Variants in FANCI observed in about 807,000 individuals in gnomAD.
FANCI encodes FA complementation group I, also known as Fanconi anemia group I protein.
Under a neutral mutation model 176.1 loss-of-function variants are expected in FANCI, and 156 were observed. The ratio of observed to expected loss-of-function variants is 0.89; its 90% CI spans 0.78 to 1.01. The LOEUF is 1.01. FANCI is among the 50% of genes least tolerant of loss of function. FANCI has a pLI of 0.00. For synonymous variants in FANCI, 613 were observed against 541.7 expected, an observed-to-expected ratio of 1.13 and a Z score of -1.83; for missense variants, 1,678 against 1,534.1, an observed-to-expected ratio of 1.09 and a Z score of -1.57.
intron 24 of FANCI, among the ~76,000 whole-genome samples, chr15:89,297,764 TGGGGAG>T (rs772685803): frequency 8.4e-3 from 195 of 23,292 alleles, no homozygotes; most frequent in Non-Finnish European, 0.011. Flanking sequence ...AGGGAGACCG[TGGGGAG>T]AGGGAGGGGG....
At chr15:89,315,794 T>C (rs1178155561) in intron 37 of FANCI, among the ~76,000 whole-genome samples, 1 of 152,220 alleles carries the variant, frequency 6.6e-6, no homozygotes, top group Non-Finnish European at 1.5e-5. Context: ...GCCAATGTCT[T>C]GTCCTTTTCC....
At chr15:89,249,508 C>A (rs983233018) in intron 2 of FANCI, among the ~76,000 whole-genome samples, 2 of 151,922 alleles carry the variant, frequency 1.3e-5, no homozygotes, top group Admixed American at 6.6e-5. Context: ...CCACCATGTC[C>A]GACTAATTTT....
intron 12 of FANCI, among the ~76,000 whole-genome samples, chr15:89,274,916 T>C (rs1013839947): frequency 2.6e-5 from 4 of 151,976 alleles, no homozygotes; most frequent in African/African-American, 7.3e-5. Context: ...TTTCTTTTCC[T>C]TTTTAAAGGA....
intron 16 of FANCI, 80 bp from the exon 17 acceptor site, chr15:89,283,056 C>T: frequency 7.3e-7 from 1 of 1,370,072 alleles, no homozygotes; most frequent in Non-Finnish European, 1.0e-6. Context: ...TCTCTGTATG[C>T]AACTAGCTGG....
In FANCI at chr15:89,274,318, C is replaced by G. The variant is rs2053320939; in HGVS notation, c.1112+14C>G. 6.2e-7 allele frequency: 1 copy of G among 1,612,854 alleles called. No individual in the cohort carries two copies. Among genetic ancestry groups the G allele is most frequent in the Non-Finnish European group, 8.5e-7 (1 of 1,179,454 alleles). On this transcript the variant is annotated intron_variant, in intron 12 of 37. Transcript: ENST00000310775. ...AGTGAAGAATAGGTAAGTTGGTGAA[C>G]CATATCTCAAAAGGTTTATAAGGTG... is the stretch of plus-strand genomic sequence containing the variant.
intron 27 of FANCI, 53 bp from the exon 28 acceptor site, chr15:89,303,811 C>A: frequency 6.6e-7 from 1 of 1,509,610 alleles, no homozygotes; most frequent in East Asian, 2.3e-5. Flanking sequence ...TCTGACAACA[C>A]CTAGGTCTAT....
At chr15:89,260,220 C>T (rs902997581) in intron 3 of FANCI, among the ~76,000 whole-genome samples, 71 of 151,512 alleles carry the variant, frequency 4.7e-4, no homozygotes, top group African/African-American at 1.6e-3. Flanking sequence ...GTTCCAGGAT[C>T]GGCACTAAAA....
chr15:89,308,283 G>A (rs2151946143), intron 34 of FANCI: 1 of 587,232 alleles, frequency 1.7e-6, no homozygotes, highest in Non-Finnish European at 2.1e-6. Context: ...CCAGATGCCA[G>A]TAGCAGCCCC....
At chr15:89,273,347 A>G in intron 10 of FANCI, 30 bp from the exon 11 acceptor site, 1 of 1,097,228 alleles carries the variant, frequency 9.1e-7, no homozygotes, top group South Asian at 1.4e-5. Flanking sequence ...AATGTAAGTA[A>G]ATGACTTCCT....
chr15:89,291,649 C>G lies in FANCI; in HGVS notation c.1927C>G (p.Pro643Ala). ...QFYEPKPDLLPPLKLEACILT... is the reference protein window; with the variant it reads ...QFYEPKPDLLAPLKLEACILT... ...CTATGAGCCAAAACCTGATCTGCTG[C>G]CTCCTCTGAAATTAGAAGCTTGTAT... Residue 643 changes from proline to alanine, a missense_variant, in exon 20 of 38, where the codon CCT (proline) becomes GCT (alanine). Pro to Ala is a conservative substitution (Grantham distance 27, BLOSUM62 -1). Around this residue, in one of 3 missense-constraint regions of FANCI, gnomAD observed 1,204 missense variants for 1,077.4 expected, o/e 1.12. Transcript: ENST00000310775. 1 of 1,613,784 alleles carries G rather than the reference C, an allele frequency of 6.2e-7. No individual in the cohort carries two copies. Among genetic ancestry groups the G allele is most frequent in the Non-Finnish European group, 8.5e-7 (1 of 1,179,820 alleles).
intron 27 of FANCI, 114 bp from the exon 28 acceptor site, chr15:89,303,748 CAT>C: frequency 1.2e-6 from 1 of 806,964 alleles, no homozygotes; most frequent in Non-Finnish European, 2.1e-6. Flanking sequence ...GATCTAAGGA[CAT>C]GTTTTGGCAG....
chr15:89,303,274 T>A (rs768880701), intron 27 of FANCI, among the ~76,000 whole-genome samples: 7 of 152,348 alleles, frequency 4.6e-5, no homozygotes, highest in Non-Finnish European at 8.8e-5. Flanking sequence ...TTCGGTGCCT[T>A]TGTAGCTGAA....
chr15:89,269,637 A>G (rs936771077), intron 10 of FANCI, among the ~76,000 whole-genome samples: 1 of 152,164 alleles, frequency 6.6e-6, no homozygotes, highest in Non-Finnish European at 1.5e-5. Context: ...CCAGATACTA[A>G]TATTTTACAC....
At position 89,305,492 on chromosome 15, in the gene FANCI, C is replaced by T. The variant is rs931132517; in HGVS notation, c.3255+83C>T. 24 of 1,605,164 alleles carry T rather than the reference C, an allele frequency of 1.5e-5. No individual in the cohort carries two copies. The African/African-American group carries it at 1.6e-4, about 11-fold the overall frequency. On this transcript the variant is annotated intron_variant, in intron 30 of 37. Transcript: ENST00000310775. The stretch of plus-strand genomic sequence containing the variant: ...ATGTGAAGTGACTTGTGTCCTATAG[C>T]GGCTTGTGTCCTGAGGCCTGTAACC...
chr15:89,281,391 T>C, intron 15 of FANCI, 91 bp downstream of exon 15: 1 of 1,452,444 alleles, frequency 6.9e-7, no homozygotes, highest in Non-Finnish European at 9.6e-7. Context: ...TATATATGTC[T>C]AAGAAATTCT....
intron 24 of FANCI, among the ~76,000 whole-genome samples, chr15:89,297,451 T>C (rs1429953111): frequency 6.6e-6 from 1 of 152,052 alleles, no homozygotes; most frequent in African/African-American, 2.4e-5. Context: ...ATCACGCCAC[T>C]GCACTCCAGC....
intron 24 of FANCI, among the ~76,000 whole-genome samples, chr15:89,296,974 C>CT (rs552000293): frequency 0.035 from 5,173 of 147,984 alleles, 393 homozygotes; most frequent in African/African-American, 0.12. Context: ...GGGGCTGACC[C>CT]CCCCCACCTC....
At chr15:89,253,739 A>G (rs2052368168) in intron 2 of FANCI, among the ~76,000 whole-genome samples, 1 of 147,108 alleles carries the variant, frequency 6.8e-6, no homozygotes, top group South Asian at 2.3e-4. Flanking sequence ...AATATTTGTA[A>G]CGTATCACAG....
At chr15:89,313,031 CG>C in intron 35 of FANCI, 59 bp downstream of exon 35, 1 of 1,492,204 alleles carries the variant, frequency 6.7e-7, no homozygotes, top group South Asian at 1.1e-5. Context: ...AAACATGAAG[CG>C]GAAGAAGCCA....
Sources: gnomAD v4.1 joint callset for allele counts (sites outside exome capture counted in the v4.1 genomes callset) on GRCh38, gnomAD v4.1.1 for gene constraint, gnomAD v4.1.1 regional missense constraint, MANE v1.5 for transcripts, NCBI Gene and HGNC (gene_info 2026-07-23, HGNC 2026-07-21) for gene names.